Variants in MYH7 observed in about 807,000 individuals in gnomAD.
MYH7 encodes the protein myosin heavy chain 7.
A neutral mutation model predicts 225.4 loss-of-function variants in MYH7; 129 were observed. The ratio of observed to expected loss-of-function variants is 0.57; its 90% CI spans 0.50 to 0.66. The LOEUF (loss-of-function observed/expected upper bound fraction) is 0.66. MYH7 is among the 30% of genes least tolerant of loss of function. The pLI is 0.00. For synonymous variants in MYH7, 971 were observed against 1,007.6 expected (o/e 0.96, Z 0.69); for missense variants, 1,649 against 2,517.0 (o/e 0.66, Z 7.38).
At chr14:23,424,395 A>G (rs552125279) in intron 22 of MYH7, among the ~76,000 whole-genome samples, 1 of 152,236 alleles carries the variant, frequency 6.6e-6, no homozygotes, top group South Asian at 2.1e-4. Context: ...GGTCTCCTCC[A>G]TCGAAGGGTG....
In MYH7 at chr14:23,415,974, C is replaced by T. The variant is rs1037858653; in HGVS notation, c.4953+30G>A. 8 of 1,613,974 alleles carry T rather than the reference C, an allele frequency of 5.0e-6. No individual in the cohort carries two copies. The highest frequency in any genetic ancestry group is 3.3e-5 in the Admixed American group (2 of 60,008). ...AAGACACTACTGCTTCGCCAGGCCA[C>T]GTGGAGGCCAGTCCCCTCTGGGTGA... On this transcript the variant is annotated intron_variant, in intron 34 of 39. Transcript: ENST00000355349. This position sits in a 1 kb window ranked among gnomAD's most constrained non-coding sequence, Gnocchi z 6.3.
chr14:23,418,322 C>A lies in MYH7; in HGVS notation c.4057G>T (p.Ala1353Ser), dbSNP rs1892314426. 6.2e-7 allele frequency: 1 copy of A among 1,613,698 alleles called. No individual in the cohort carries two copies. The highest frequency in any genetic ancestry group is 1.7e-5 in the Admixed American group (1 of 60,014). The change falls in exon 30 of 40, where the codon GCC (alanine) becomes TCC (serine). Residue 1353 changes from alanine to serine, a missense_variant. Ala to Ser is a moderately conservative substitution (Grantham distance 99, BLOSUM62 1). This residue lies in a region of MYH7 where 687 missense variants were observed against 913.8 expected (regional missense o/e 0.75). Transcript: ENST00000355349. Reference protein sequence around the residue: ...LREQYEEETEAKAELQRVLSK... With the variant: ...LREQYEEETESKAELQRVLSK... ...AGGACGCGCTGCAGCTCGGCCTTGG[C>A]CTCCGTCTCCTCCTCGTACTGCTCC...
chr14:23,430,296 G>A (rs768120000), intron 11 of MYH7, among the ~76,000 whole-genome samples: 12 of 152,068 alleles, frequency 7.9e-5, no homozygotes, highest in African/African-American at 2.2e-4. Flanking sequence ...CTGCTCCCTC[G>A]GTGATGCTTG....
chr14:23,427,987 C>A, intron 15 of MYH7, 93 bp from the exon 16 acceptor site: 1 of 1,513,352 alleles, frequency 6.6e-7, no homozygotes, highest in South Asian at 1.2e-5. Flanking sequence ...GTGGAGGTGC[C>A]ATGTTGGGTG....
At position 23,427,654 on chromosome 14, in the gene MYH7, C is replaced by T; in HGVS notation, c.1819G>A (p.Gly607Ser). ...TTGAGGGAAGACTTCTGATACAAGC[C>T]CACGACAGTCTCATTGAGAGGATCC... The part of the protein sequence containing the change: ...NKDPLNETVV[G>S]LYQKSSLKLL... Residue 607 changes from glycine (G) to serine (S), a missense_variant, in exon 16 of 40, where the codon GGC becomes AGC. Physicochemically the swap from Gly to Ser is moderately conservative, Grantham distance 56. This residue lies in a region of MYH7 where 112 missense variants were observed against 161.9 expected (regional missense o/e 0.69). Transcript: ENST00000355349. The T allele has an allele frequency of 6.2e-7, 1 of 1,614,174 alleles. No homozygotes were observed. The highest frequency in any genetic ancestry group is 2.2e-5 in the East Asian group (1 of 44,886).
At position 23,423,896 on chromosome 14, in the gene MYH7, G is replaced by A. The variant is rs1285184514; in HGVS notation, c.2922+11C>T. 6.2e-7 allele frequency: 1 copy of A among 1,613,918 alleles called. No individual in the cohort carries two copies. Among genetic ancestry groups the A allele is most frequent in the Admixed American group, 1.7e-5 (1 of 60,032 alleles). On this transcript the variant is annotated intron_variant, in intron 23 of 39. Coordinates refer to ENST00000355349, the MANE Select transcript of MYH7 (RefSeq NM_000257.4). The stretch of plus-strand genomic sequence containing the variant: ...GAGACCCGGGCTGGAGCCAAAGGGA[G>A]CTGCCCTTACCTTGTTCTCTGTTGC...
At chr14:23,424,489 AG>A (rs748912724) in intron 22 of MYH7, among the ~76,000 whole-genome samples, 1 of 152,238 alleles carries the variant, frequency 6.6e-6, no homozygotes, top group African/African-American at 2.4e-5. Flanking sequence ...GAGGAAATTG[AG>A]GCTCAAAGAT....
At position 23,412,833 on chromosome 14, in the gene MYH7, G is replaced by A. The variant is rs1483444129; in HGVS notation, c.*21C>T. 3 of 1,613,880 alleles carry A rather than the reference G, an allele frequency of 1.9e-6. No individual in the cohort carries two copies. In the Admixed American group the frequency reaches 5.0e-5, roughly 27 times the overall value. On this transcript the variant is annotated 3_prime_UTR_variant, in exon 40 of 40. Coordinates refer to ENST00000355349, the MANE Select transcript of MYH7 (RefSeq NM_000257.4). The stretch of plus-strand genomic sequence containing the variant: ...GCTTTGCTGGCACCTCCAGGGCTGA[G>A]CAGATCAAGATGTGGCAAAGCTACT...
chr14:23,427,351 G>A (rs752063524), intron 16 of MYH7, 44 bp from the exon 17 acceptor site: 7 of 1,608,282 alleles, frequency 4.4e-6, no homozygotes, highest in Non-Finnish European at 6.0e-6. Flanking sequence ...GTGTGGGGAG[G>A]TAGGGTGTGA....
intron 18 of MYH7, 33 bp downstream of exon 18, chr14:23,426,744 C>T (rs1892709068): frequency 1.3e-6 from 2 of 1,592,358 alleles, no homozygotes; most frequent in Non-Finnish European, 8.6e-7. Flanking sequence ...GGTGTATGCC[C>T]AGCAGTGGGT....
In MYH7 at chr14:23,413,777, G is replaced by T; in HGVS notation, c.5772C>A (p.Ser1924Arg). The part of the protein sequence containing the change: ...ESQVNKLRAK[S>R]RDIGTKGLNE... ...GACCCACCTTCGTGCCAATGTCACGGCTCTTGGCCCGCAGCTTGTTGACCT... is the reference window on the plus strand; with the variant it reads ...GACCCACCTTCGTGCCAATGTCACGTCTCTTGGCCCGCAGCTTGTTGACCT... Residue 1924 changes from serine (S) to arginine (R), a missense_variant, in exon 39 of 40, where the codon AGC becomes AGA. Transcript: ENST00000355349. 1 of 1,614,176 alleles carries T rather than the reference G, an allele frequency of 6.2e-7. No homozygotes were observed. Among genetic ancestry groups the T allele is most frequent in the Non-Finnish European group, 8.5e-7 (1 of 1,180,044 alleles).
rs34803781 is a variant in MYH7 at position 23,429,911 on chromosome 14, G to A, written c.1002C>T (p.Asn334=). 2.6e-3 allele frequency: 4,201 copies of A among 1,613,954 alleles called. 93 individuals carry two copies. The African/African-American group carries it at 0.045, about 17-fold the overall frequency. The change falls in exon 12 of 40, where the codon AAC becomes AAT. Residue 334 remains asparagine, a splice_region_variant and synonymous_variant. Coordinates refer to ENST00000355349, the MANE Select transcript of MYH7 (RefSeq NM_000257.4). The part of the protein sequence containing the change: ...DDAEELMATD[N]AFDVLGFTSE... ...AAGTGAAGCCCAGCACATCAAAAGC[G>A]TTCTGTAGGGAGGCCCCATATTGGC...
intron 1 of MYH7, among the ~76,000 whole-genome samples, chr14:23,434,656 G>A (rs568098647): frequency 1.5e-3 from 221 of 152,320 alleles, no homozygotes; most frequent in African/African-American, 5.0e-3. Flanking sequence ...TGAGGAAATC[G>A]AGGTTAAATG....
chr14:23,417,079 G>A (rs1361184702), intron 32 of MYH7, 74 bp downstream of exon 32: 1 of 1,613,888 alleles, frequency 6.2e-7, no homozygotes, highest in Non-Finnish European at 8.5e-7. Flanking sequence ...GACGCCTCTT[G>A]GAGCCCTTGG....
At position 23,416,771 on chromosome 14, in the gene MYH7, G is replaced by T. The variant is rs561297215; in HGVS notation, c.4644+97C>A. ...AGGCTCTGTCCTAGGCTCTGGGGAT[G>T]GGACAGTGAACAAAACGGACAAAGC... is the stretch of plus-strand genomic sequence containing the variant. On this transcript the variant is annotated intron_variant, in intron 33 of 39. Transcript: ENST00000355349. 8.7e-5 allele frequency: 139 copies of T among 1,590,178 alleles called. 1 individual carries two copies. In the African/African-American group the frequency reaches 1.8e-3, roughly 20 times the overall value.
In MYH7 at chr14:23,415,606, G is replaced by A; in HGVS notation, c.5157+23C>T. 1 of 1,613,602 alleles carries A rather than the reference G, an allele frequency of 6.2e-7. No homozygotes were observed. The highest frequency in any genetic ancestry group is 8.5e-7 in the Non-Finnish European group (1 of 1,180,006). On this transcript the variant is annotated intron_variant, in intron 35 of 39. Coordinates refer to ENST00000355349, the MANE Select transcript of MYH7 (RefSeq NM_000257.4). The surrounding 1 kb of genome is among the most constrained non-coding windows in gnomAD (Gnocchi z 6.3). ...GAGCCCCAGCCTGTGCTCCCTTCAG[G>A]AATGAGCAGGGGAGCTGCTCACCTG...
rs777394877 is a variant in MYH7, at chr14:23,419,983, G to A, written c.3588C>T (p.His1196=). The change falls in exon 27 of 40, where the codon CAC becomes CAT. Residue 1196 remains histidine, a synonymous_variant. Coordinates refer to ENST00000355349, the MANE Select transcript of MYH7 (RefSeq NM_000257.4). ...CGCCCAGCTCGGCCACGCTGTCGGC[G>A]TGCTTCTTGCGCAGGGCCGCGGCAG... ...EATAAALRKK[H]ADSVAELGEQ... 15 of 1,603,882 alleles carry A rather than the reference G, an allele frequency of 9.4e-6. No homozygotes were observed. The East Asian group carries it at 1.8e-4, about 19-fold the overall frequency.
rs1350140484 is a variant in MYH7, at chr14:23,423,986, G to A, written c.2843C>T (p.Ser948Leu). The A allele has an allele frequency of 2.5e-6, 4 of 1,614,198 alleles. No individual in the cohort carries two copies. The South Asian group carries it at 3.3e-5, about 13-fold the overall frequency. The change falls in exon 23 of 40, where the codon TCA becomes TTA. Residue 948 changes from serine to leucine, a missense_variant. Ser to Leu is a moderately radical substitution (Grantham distance 145). Coordinates refer to ENST00000355349, the MANE Select transcript of MYH7 (RefSeq NM_000257.4). ...AKKRKLEDEC[S>L]ELKRDIDDLE... The stretch of plus-strand genomic sequence containing the variant: ...ATCATCGATGTCCCTTTTGAGCTCT[G>A]AGCACTCATCTTCCAGCTTGCGCTT...
At position 23,415,004 on chromosome 14, in the gene MYH7, G is replaced by A. The variant is rs749141233; in HGVS notation, c.5550C>T (p.Leu1850=). 1.2e-6 allele frequency: 2 copies of A among 1,607,870 alleles called. No individual in the cohort carries two copies. Among genetic ancestry groups the A allele is most frequent in the South Asian group, 2.2e-5 (2 of 91,076 alleles). The part of the protein sequence containing the change: ...MRKSERRIKE[L]TYQTEEDRKN... The stretch of plus-strand genomic sequence containing the variant: ...TCACCGCCCGTCGCACCTGGTAGGT[G>A]AGCTCCTTGATGCGCCGCTCGCTCT... The change falls in exon 37 of 40, where the codon CTC becomes CTT. Residue 1850 remains leucine (L), a synonymous_variant. Coordinates refer to ENST00000355349, the MANE Select transcript of MYH7 (RefSeq NM_000257.4). This position sits in a 1 kb window ranked among gnomAD's most constrained non-coding sequence, Gnocchi z 6.3.
Sources: gnomAD v4.1 joint callset for allele counts (sites outside exome capture counted in the v4.1 genomes callset) on GRCh38, gnomAD v4.1.1 for gene constraint, gnomAD v4.1.1 regional missense constraint, Gnocchi (gnomAD v3.1) non-coding constraint, MANE v1.5 for transcripts, NCBI Gene and HGNC (gene_info 2026-07-23, HGNC 2026-07-21) for gene names.